Variants in ERO1A observed in about 807,000 individuals in gnomAD.
ERO1A encodes endoplasmic reticulum oxidoreductase 1 alpha.
Under a neutral mutation model 76.9 loss-of-function variants are expected in ERO1A, and 49 were observed. That is an observed-to-expected ratio of 0.64 (90% CI 0.51 to 0.81). ERO1A has a LOEUF of 0.81. Ranked by LOEUF, ERO1A falls within the 30% of genes least tolerant of loss-of-function variation. The pLI is 0.00. For missense variants in ERO1A, 448 were observed against 542.1 expected (o/e 0.83, Z 1.72); for synonymous variants, 174 against 181.2 (o/e 0.96, Z 0.32).
At chr14:52,645,870 A>G (rs1183898168) in intron 15 of ERO1A, among the ~76,000 whole-genome samples, 1 of 147,614 alleles carries the variant, frequency 6.8e-6, no homozygotes, top group Non-Finnish European at 1.5e-5. Flanking sequence ...ACACACACAC[A>G]CACACACACA....
At position 52,642,636 on chromosome 14, in the gene ERO1A, G is replaced by T. The variant is rs2039514258; in HGVS notation, c.*934C>A. On this transcript the variant is annotated 3_prime_UTR_variant, in exon 16 of 16. Transcript: ENST00000395686. ...CTTTCAAATGATTGAGGAAAAATTT[G>T]TGTGTGTGTGTGTGTGTACAGAGAA... 2.0e-5 allele frequency: 3 copies of T among 150,372 alleles called. No homozygotes were observed. Among genetic ancestry groups the T allele is most frequent in the South Asian group, 2.1e-4 (1 of 4,750 alleles). 9.3% of individuals were successfully genotyped at this position (150,372 alleles called of 1,614,324 possible).
chr14:52,684,807 TTC>T (rs1473163745), intron 1 of ERO1A, among the ~76,000 whole-genome samples: 7 of 18,692 alleles, frequency 3.7e-4, no homozygotes, highest in Admixed American at 1.5e-3. Context: ...TTCTTTTTTT[TTC>T]TTTTTTCACC....
chr14:52,682,327 A>G lies in ERO1A; in HGVS notation c.316T>C (p.Ser106Pro). The G allele has an allele frequency of 6.2e-7, 1 of 1,601,922 alleles. No individual in the cohort carries two copies. The highest frequency in any genetic ancestry group is 8.5e-7 in the Non-Finnish European group (1 of 1,171,624). ...RRDCAVKPCQ[S>P]DEVPDGIKSA... is the part of the protein sequence containing the mutation. ...TTAAATGTATACATGGTTCTTACAG[A>G]TTGACATGGTTTGACAGCACAGTCC... Residue 106 changes from serine (S) to proline (P), a missense_variant and splice_region_variant, in exon 3 of 16, where the codon TCT (serine) becomes CCT (proline). By Grantham distance (74) the Ser-to-Pro change is moderately conservative. Coordinates refer to ENST00000395686, the MANE Select transcript of ERO1A (RefSeq NM_014584.3).
chr14:52,650,048 C>G (rs565671496), intron 13 of ERO1A, among the ~76,000 whole-genome samples: 57 of 152,052 alleles, frequency 3.7e-4, no homozygotes, highest in Non-Finnish European at 7.4e-5. Context: ...GAGACCCCAA[C>G]TCAACAAAAA....
chr14:52,679,933 G>A (rs914892848), intron 3 of ERO1A, among the ~76,000 whole-genome samples: 21 of 151,778 alleles, frequency 1.4e-4, no homozygotes, highest in Non-Finnish European at 8.8e-5. Flanking sequence ...CCTGTAGTCC[G>A]CCTGTAGTCC....
intron 3 of ERO1A, among the ~76,000 whole-genome samples, chr14:52,678,895 G>C (rs982215159): frequency 6.6e-6 from 1 of 152,166 alleles, no homozygotes; most frequent in Non-Finnish European, 1.5e-5. Flanking sequence ...AGGGGTTTGG[G>C]TCATGGAGAC....
At chr14:52,665,916 T>G (rs576350190) in intron 7 of ERO1A, among the ~76,000 whole-genome samples, 1 of 152,326 alleles carries the variant, frequency 6.6e-6, no homozygotes, top group African/African-American at 2.4e-5. Flanking sequence ...TAGAATACAG[T>G]GAGTGCTCAA....
chr14:52,688,432 G>A (rs2041248742), intron 1 of ERO1A, among the ~76,000 whole-genome samples: 1 of 152,086 alleles, frequency 6.6e-6, no homozygotes, highest in Non-Finnish European at 1.5e-5. Context: ...CTAGGCCTTG[G>A]TTTCTCATCT....
intron 6 of ERO1A, among the ~76,000 whole-genome samples, chr14:52,667,439 G>A (rs1416022839): frequency 2.0e-5 from 3 of 152,018 alleles, no homozygotes; most frequent in African/African-American, 7.2e-5. Context: ...TCGGTCCCAG[G>A]GTGGGCACGA....
chr14:52,674,670 T>G (rs1397576498), intron 4 of ERO1A, among the ~76,000 whole-genome samples: 1 of 152,218 alleles, frequency 6.6e-6, no homozygotes, highest in Non-Finnish European at 1.5e-5. Context: ...TGAGCAAAAT[T>G]AGTTTAGAAT....
At chr14:52,655,248 C>T (rs2040005747) in intron 11 of ERO1A, among the ~76,000 whole-genome samples, 4 of 152,054 alleles carry the variant, frequency 2.6e-5, no homozygotes. Context: ...GCCTGTAATC[C>T]CAGTTACTCA....
At chr14:52,687,189 G>A (rs1463390220) in intron 1 of ERO1A, among the ~76,000 whole-genome samples, 1 of 152,158 alleles carries the variant, frequency 6.6e-6, no homozygotes, top group Non-Finnish European at 1.5e-5. Flanking sequence ...ACTTTGGGAG[G>A]CCAAGGTTGG....
intron 3 of ERO1A, among the ~76,000 whole-genome samples, chr14:52,681,102 C>T (rs1238368491): frequency 6.6e-6 from 1 of 152,108 alleles, no homozygotes; most frequent in Admixed American, 6.6e-5. Flanking sequence ...AAAAAACAAA[C>T]GGAACTAACA....
chr14:52,654,869 C>T (rs1208323334), intron 11 of ERO1A, among the ~76,000 whole-genome samples: 9 of 151,996 alleles, frequency 5.9e-5, no homozygotes, highest in Non-Finnish European at 8.8e-5. Context: ...GTCTTCATGC[C>T]ATGTCATTTT....
At chr14:52,659,350 C>A (rs750192328) in intron 9 of ERO1A, among the ~76,000 whole-genome samples, 1 of 152,050 alleles carries the variant, frequency 6.6e-6, no homozygotes, top group Non-Finnish European at 1.5e-5. Context: ...AAAATATGAT[C>A]ATCTTTAATG....
At chr14:52,687,423 C>G (rs2041213648) in intron 1 of ERO1A, among the ~76,000 whole-genome samples, 1 of 152,134 alleles carries the variant, frequency 6.6e-6, no homozygotes, top group African/African-American at 2.4e-5. Context: ...GGAGTGAGAC[C>G]CTGTCTCAAA....
rs76221195 is a variant in ERO1A, at chr14:52,670,541, C to T, written c.508+1089G>A. Among the ~76,000 whole-genome samples the T allele has an allele frequency of 2.6e-3, 400 of 152,144 alleles. 2 individuals are homozygous for T. Among genetic ancestry groups the T allele is most frequent in the African/African-American group, 9.3e-3 (385 of 41,532 alleles). On this transcript the variant is annotated intron_variant, in intron 6 of 15. Coordinates refer to ENST00000395686, the MANE Select transcript of ERO1A (RefSeq NM_014584.3). ...ATTACAGGCATGAACCACTGTGCCACGATCAGAGTTTTAATGAATCTGGGG... is the reference window on the plus strand; with the variant it reads ...ATTACAGGCATGAACCACTGTGCCATGATCAGAGTTTTAATGAATCTGGGG...
intron 13 of ERO1A, among the ~76,000 whole-genome samples, chr14:52,651,702 A>G (rs890373921): frequency 1.3e-5 from 2 of 152,174 alleles, no homozygotes; most frequent in East Asian, 3.9e-4. Flanking sequence ...TATGGATACA[A>G]TGTGATGTTT....
chr14:52,646,409 C>T lies in ERO1A; in HGVS notation c.1178G>A (p.Gly393Asp), dbSNP rs746890742. The change falls in exon 14 of 16, where the codon GGT (glycine) becomes GAT (aspartate). Residue 393 changes from glycine (G) to aspartate (D), a missense_variant. Gly to Asp is a moderately conservative substitution (Grantham distance 94). Around this residue, in one of 2 missense-constraint regions of ERO1A, gnomAD observed 302 missense variants for 411.9 expected, o/e 0.73. Coordinates refer to ENST00000395686, the MANE Select transcript of ERO1A (RefSeq NM_014584.3). ...TCCCCACAGACGACATTTAAAACAA[C>T]CAACACAATCCATAATTCTTGAAAT... ...RNISRIMDCV[G>D]CFKCRLWGKL... is the part of the protein sequence containing the mutation. The T allele has an allele frequency of 1.9e-6, 3 of 1,613,254 alleles. No homozygotes were observed. The highest frequency in any genetic ancestry group is 2.5e-6 in the Non-Finnish European group (3 of 1,179,742).
Sources: gnomAD v4.1 joint callset for allele counts (sites outside exome capture counted in the v4.1 genomes callset) on GRCh38, gnomAD v4.1.1 for gene constraint, gnomAD v4.1.1 regional missense constraint, MANE v1.5 for transcripts, NCBI Gene and HGNC (gene_info 2026-07-23, HGNC 2026-07-21) for gene names.